The following IKBKB-DT variants were observed in gnomAD, a reference collection of about 807,000 sequenced individuals.
IKBKB-DT encodes the protein IKBKB antisense RNA.
intron 3 of IKBKB-DT, among the ~76,000 whole-genome samples, chr8:42,241,102 A>G (rs964432259): frequency 6.6e-6 from 1 of 152,046 alleles, no homozygotes; most frequent in Non-Finnish European, 1.5e-5. Flanking sequence ...TTTTGCCATT[A>G]TAGTCAAATG....
intron 3 of IKBKB-DT, among the ~76,000 whole-genome samples, chr8:42,252,186 A>G (rs927888160): frequency 3.3e-5 from 5 of 152,218 alleles, no homozygotes; most frequent in African/African-American, 4.8e-5. Context: ...ATAAAAGATT[A>G]GGGTGGGATG....
intron 1 of IKBKB-DT, among the ~76,000 whole-genome samples, chr8:42,267,712 T>C (rs1210307320): frequency 2.0e-5 from 3 of 152,158 alleles, no homozygotes; most frequent in African/African-American, 7.2e-5. Context: ...GAAAATATCT[T>C]TTGTAAACAG....
chr8:42,239,638 ATT>A (rs1461408954), intron 3 of IKBKB-DT, among the ~76,000 whole-genome samples: 3 of 112,916 alleles, frequency 2.7e-5, no homozygotes, highest in Non-Finnish European at 3.7e-5. Flanking sequence ...ATATATATTT[ATT>A]TATTTATTCA....
At chr8:42,239,927 C>G (rs188223501) in intron 3 of IKBKB-DT, among the ~76,000 whole-genome samples, 1 of 151,894 alleles carries the variant, frequency 6.6e-6, no homozygotes, top group South Asian at 2.1e-4. Flanking sequence ...GCATGAGCCA[C>G]CGTGCCTGGC....
chr8:42,253,565 G>A (rs1438455290), intron 3 of IKBKB-DT, among the ~76,000 whole-genome samples: 3 of 152,132 alleles, frequency 2.0e-5, no homozygotes, highest in African/African-American at 7.2e-5. Flanking sequence ...CTAGAATTGG[G>A]GATCCAGTCC....
chr8:42,240,212 A>T (rs1223794402), intron 3 of IKBKB-DT, among the ~76,000 whole-genome samples: 1 of 146,490 alleles, frequency 6.8e-6, no homozygotes, highest in Non-Finnish European at 1.5e-5. Context: ...GCAATTTGTT[A>T]GCCAAATGCT....
chr8:42,241,728 T>C (rs1477218421), intron 3 of IKBKB-DT, among the ~76,000 whole-genome samples: 3 of 152,126 alleles, frequency 2.0e-5, no homozygotes, highest in South Asian at 2.1e-4. Context: ...TGTGGTAGAA[T>C]AGAGTGGAAT....
At chr8:42,268,281 C>T (rs539715578) in intron 1 of IKBKB-DT, among the ~76,000 whole-genome samples, 3 of 151,788 alleles carry the variant, frequency 2.0e-5, no homozygotes, top group South Asian at 4.2e-4. Flanking sequence ...ATTACAGGCA[C>T]GTGCCACCAC....
At chr8:42,253,837 T>C (rs780829525) in intron 3 of IKBKB-DT, among the ~76,000 whole-genome samples, 12 of 152,302 alleles carry the variant, frequency 7.9e-5, no homozygotes, top group East Asian at 5.8e-4. Context: ...CCAGTTTCCA[T>C]TGGCTGCAAC....
intron 3 of IKBKB-DT, among the ~76,000 whole-genome samples, chr8:42,247,253 T>C (rs941971114): frequency 1.3e-5 from 2 of 152,262 alleles, no homozygotes; most frequent in African/African-American, 2.4e-5. Flanking sequence ...ATGTGAGACA[T>C]GGAGTCAAAG....
chr8:42,241,432 A>G (rs1487624424), intron 3 of IKBKB-DT, among the ~76,000 whole-genome samples: 1 of 151,768 alleles, frequency 6.6e-6, no homozygotes, highest in Non-Finnish European at 1.5e-5. Flanking sequence ...TTTTGCTGCT[A>G]TAAGAGTTTT....
chr8:42,271,134 C>T (rs2129957041), exon 1 of IKBKB-DT: 2 of 524,312 alleles, frequency 3.8e-6, no homozygotes, highest in East Asian at 7.1e-5. Context: ...TCGGTGAGCA[C>T]GGTCTGTCTA....
At chr8:42,269,401 AAAG>A (rs1325904240) in intron 1 of IKBKB-DT, among the ~76,000 whole-genome samples, 5 of 123,246 alleles carry the variant, frequency 4.1e-5, no homozygotes, top group African/African-American at 1.5e-4. Flanking sequence ...GAAAGAAAAA[AAAG>A]AAAGCTAGCA....
Position 42,234,274 on chromosome 8 carries a change from C to T in IKBKB-DT, n.1530-415G>A, listed in dbSNP as rs533893790. On this transcript the variant is annotated intron_variant and non_coding_transcript_variant, in intron 3 of 3. Transcript: ENST00000518213. ...AGTTTCATGACCATCACCTGATGTT[C>T]GCCTGACTTTCCTGGTGAGGCATGA... Among the ~76,000 whole-genome samples, 4 of 152,282 alleles carry T rather than the reference C, an allele frequency of 2.6e-5. No homozygotes were observed. In the South Asian group the frequency reaches 6.2e-4, roughly 24 times the overall value.
At chr8:42,246,159 C>A (rs1372431970) in intron 3 of IKBKB-DT, among the ~76,000 whole-genome samples, 1 of 152,202 alleles carries the variant, frequency 6.6e-6, no homozygotes, top group African/African-American at 2.4e-5. Flanking sequence ...GCCTCAACCT[C>A]CTGAGCAGCT....
In IKBKB-DT at chr8:42,263,860, G is replaced by A. The variant is rs569364493; in HGVS notation, n.1386-388C>T. 5.3e-5 allele frequency among the ~76,000 whole-genome samples: 8 copies of A among 152,260 alleles called. No homozygotes were observed. The South Asian group carries it at 8.3e-4, about 16-fold the overall frequency. On this transcript the variant is annotated intron_variant and non_coding_transcript_variant, in intron 2 of 3. Coordinates refer to ENST00000518213, the Ensembl canonical transcript of IKBKB-DT. ...GAGTTTCATTCCTGTTGCCCAGGCC[G>A]GAGTGCAATGGCACGATTTTGGCTC... is the stretch of plus-strand genomic sequence containing the variant.
chr8:42,261,549 A>G (rs1265458171), intron 3 of IKBKB-DT, among the ~76,000 whole-genome samples: 1 of 152,196 alleles, frequency 6.6e-6, no homozygotes, highest in Non-Finnish European at 1.5e-5. Flanking sequence ...CCAATCACCA[A>G]TGTTATTCAT....
At chr8:42,243,060 G>A (rs945898982) in intron 3 of IKBKB-DT, among the ~76,000 whole-genome samples, 6 of 152,206 alleles carry the variant, frequency 3.9e-5, no homozygotes, top group South Asian at 2.1e-4. Flanking sequence ...TAGAAAGTGG[G>A]CACTTTTAAA....
At chr8:42,239,766 C>T (rs1806977139) in intron 3 of IKBKB-DT, among the ~76,000 whole-genome samples, 3 of 150,644 alleles carry the variant, frequency 2.0e-5, no homozygotes, top group Admixed American at 2.0e-4. Flanking sequence ...CTGCCTCAGC[C>T]TCCCAAATAG....
Sources: gnomAD v4.1 joint callset for allele counts (sites outside exome capture counted in the v4.1 genomes callset) on GRCh38, gnomAD v4.1.1 for gene constraint, MANE v1.5 for transcripts, NCBI Gene and HGNC (gene_info 2026-07-23, HGNC 2026-07-21) for gene names.